NDUFB8: variants seen among roughly 807,000 people sequenced by gnomAD.
NDUFB8 encodes the protein NADH dehydrogenase [ubiquinone] 1 beta subcomplex subunit 8, mitochondrial.
NDUFB8 carries 17 observed loss-of-function variants against 26.0 expected under a neutral mutation model. That is an observed-to-expected ratio of 0.65 (90% CI 0.45 to 0.98). The LOEUF (loss-of-function observed/expected upper bound fraction) is 0.98, where lower values mean the gene tolerates loss of function less well. Among genes scored for constraint, NDUFB8 ranks in the 50% least tolerant of loss-of-function variants. The pLI is 0.00. For synonymous variants in NDUFB8, 89 were observed against 93.1 expected, an observed-to-expected ratio of 0.96 and a Z score of 0.25; for missense variants, 238 against 255.0, an observed-to-expected ratio of 0.93 and a Z score of 0.45.
chr10:100,524,119 G>C lies in NDUFB8; in HGVS notation c.469-190C>G. On this transcript the variant is annotated intron_variant, in intron 4 of 4. Coordinates refer to ENST00000299166, the MANE Select transcript of NDUFB8 (RefSeq NM_005004.4). The surrounding 1 kb of genome is among the most constrained non-coding windows in gnomAD (Gnocchi z 4.0). Reference sequence around the variant, plus strand: ...CCAAGGCAGAGAGAAAGCCTAAATTGTAAGAGAAGTGGTGCCTACACTGTG... The same window carrying C: ...CCAAGGCAGAGAGAAAGCCTAAATTCTAAGAGAAGTGGTGCCTACACTGTG... 1 of 1,573,694 alleles carries C rather than the reference G, an allele frequency of 6.4e-7. No homozygotes were observed. Among genetic ancestry groups the C allele is most frequent in the Non-Finnish European group, 8.6e-7 (1 of 1,159,386 alleles).
intron 2 of NDUFB8, among the ~76,000 whole-genome samples, chr10:100,527,705 A>G (rs951699312): frequency 6.6e-6 from 1 of 152,392 alleles, no homozygotes; most frequent in South Asian, 2.1e-4. Flanking sequence ...AAGGGAATTT[A>G]GCAATCAATT....
At chr10:100,528,995 T>G in intron 2 of NDUFB8, 1 of 161,814 alleles carries the variant, frequency 6.2e-6, no homozygotes, top group African/African-American at 2.4e-5. Context: ...ACAAATAAGA[T>G]TCTCATGACA....
intron 2 of NDUFB8, among the ~76,000 whole-genome samples, chr10:100,528,758 A>G (rs1461902025): frequency 6.6e-6 from 1 of 152,204 alleles, no homozygotes; most frequent in African/African-American, 2.4e-5. Flanking sequence ...AAAGAGTGAC[A>G]TTAGGACAGG....
Position 100,526,367 on chromosome 10 carries a change from C to T in NDUFB8, c.468+32G>A, listed in dbSNP as rs747533455. ...CCCTCAGGAAATGGGGCTAAGCAAG[C>T]GTGCCTAAGGGAGCACTTCTCGGAT... On this transcript the variant is annotated intron_variant, in intron 4 of 4. Coordinates refer to ENST00000299166, the MANE Select transcript of NDUFB8 (RefSeq NM_005004.4). 39 of 1,543,104 alleles carry T rather than the reference C, an allele frequency of 2.5e-5. 1 individual carries two copies. The highest frequency in any genetic ancestry group is 3.3e-5 in the Non-Finnish European group (38 of 1,153,346).
rs371213071 is a variant in NDUFB8 at position 100,526,389 on chromosome 10, G to C, written c.468+10C>G. The C allele has an allele frequency of 6.3e-7, 1 of 1,581,568 alleles. No individual in the cohort carries two copies. On this transcript the variant is annotated intron_variant, in intron 4 of 4. Transcript: ENST00000299166. The stretch of plus-strand genomic sequence containing the variant: ...AAGCGTGCCTAAGGGAGCACTTCTC[G>C]GATACTCACCACAGGCTGGTAGACA...
chr10:100,523,897 G>A lies in NDUFB8; in HGVS notation c.501C>T (p.Tyr167=), dbSNP rs2133708153. ...TGGAGGGATCACCGCCTCGTTCCAG[G>A]TACAGATTATTGTAAGGATACTGCT... is the stretch of plus-strand genomic sequence containing the variant. ...GPKQYPYNNL[Y]LERGGDPSKE... Residue 167 remains tyrosine, a synonymous_variant, in exon 5 of 5, where the codon TAC becomes TAT. Transcript: ENST00000299166. 6.2e-7 allele frequency: 1 copy of A among 1,614,118 alleles called. No homozygotes were observed. Among genetic ancestry groups the A allele is most frequent in the Non-Finnish European group, 8.5e-7 (1 of 1,180,022 alleles).
At chr10:100,529,921 C>T (rs1010653040), upstream of NDUFB8, 2 of 1,526,500 alleles carry the variant, frequency 1.3e-6, no homozygotes, top group East Asian at 2.4e-5. Flanking sequence ...CCGGGCCAAA[C>T]GTGACGGAGG....
At chr10:100,525,749 TG>T (rs1852037809) in intron 4 of NDUFB8, among the ~76,000 whole-genome samples, 1 of 148,620 alleles carries the variant, frequency 6.7e-6, no homozygotes, top group Non-Finnish European at 1.5e-5. Flanking sequence ...TGTGTGTGTG[TG>T]TGTGTGTGTG....
In NDUFB8 at chr10:100,524,911, C is replaced by G. The variant is rs1034468005; in HGVS notation, c.469-982G>C. 2.6e-5 allele frequency among the ~76,000 whole-genome samples: 4 copies of G among 152,226 alleles called. No homozygotes were observed. The highest frequency in any genetic ancestry group is 9.6e-5 in the African/African-American group (4 of 41,468). On this transcript the variant is annotated intron_variant, in intron 4 of 4. Transcript: ENST00000299166. This position sits in a 1 kb window ranked among gnomAD's most constrained non-coding sequence, Gnocchi z 4.0. ...CACAGTCTGCATCTGGTACATAGTA[C>G]AGGCTCCATAAATATTTGTTCAATT...
chr10:100,523,879 A>T lies in NDUFB8; in HGVS notation c.519T>A (p.Asp173Glu). The T allele has an allele frequency of 6.2e-7, 1 of 1,614,156 alleles. No individual in the cohort carries two copies. The highest frequency in any genetic ancestry group is 2.2e-5 in the East Asian group (1 of 44,886). The change falls in exon 5 of 5, where the codon GAT (aspartate) becomes GAA (glutamate). Residue 173 changes from aspartate (D) to glutamate (E), a missense_variant. Coordinates refer to ENST00000299166, the MANE Select transcript of NDUFB8 (RefSeq NM_005004.4). ...CCACCCGCTCTGGTTCTTTGGAGGG[A>T]TCACCGCCTCGTTCCAGGTACAGAT... ...YNNLYLERGG[D>E]PSKEPERVVH... is the part of the protein sequence containing the mutation.
At position 100,524,047 on chromosome 10, in the gene NDUFB8, C is replaced by A; in HGVS notation, c.469-118G>T. The stretch of plus-strand genomic sequence containing the variant: ...GTACACAGTAGCCTCTGGTCAGACC[C>A]AGCTGGGCTAGGAAGGCAGGAACAG... On this transcript the variant is annotated intron_variant, in intron 4 of 4. Coordinates refer to ENST00000299166, the MANE Select transcript of NDUFB8 (RefSeq NM_005004.4). The surrounding 1 kb of genome is among the most constrained non-coding windows in gnomAD (Gnocchi z 4.0). The A allele has an allele frequency of 6.3e-7, 1 of 1,585,206 alleles. No homozygotes were observed. The highest frequency in any genetic ancestry group is 2.3e-5 in the East Asian group (1 of 43,832).
At chr10:100,528,548 T>C (rs542974444) in intron 2 of NDUFB8, among the ~76,000 whole-genome samples, 1 of 152,364 alleles carries the variant, frequency 6.6e-6, no homozygotes, top group Non-Finnish European at 1.5e-5. Context: ...TTGGCATTCA[T>C]CTCTGCGTCT....
At chr10:100,529,729 C>T (rs779084596) in intron 1 of NDUFB8, 38 bp downstream of exon 1, 5 of 1,596,912 alleles carry the variant, frequency 3.1e-6, no homozygotes, top group Non-Finnish European at 4.3e-6. Context: ...TTTCAGGTAC[C>T]CCCTTCCCAC....
chr10:100,529,117 A>C, intron 2 of NDUFB8: 15 of 283,742 alleles, frequency 5.3e-5, no homozygotes, highest in East Asian at 3.0e-4. Flanking sequence ...GGCTCCTGCT[A>C]TTCGGGGGTC....
intron 2 of NDUFB8, 74 bp from the exon 3 acceptor site, chr10:100,527,148 A>T (rs1852066486): frequency 1.6e-6 from 2 of 1,240,848 alleles, no homozygotes; most frequent in Admixed American, 1.9e-5. Flanking sequence ...CATCTTATAG[A>T]TGAGAAACAA....
chr10:100,529,478 C>A lies in NDUFB8; in HGVS notation c.114G>T (p.Pro38=), dbSNP rs1231617595. 6.2e-7 allele frequency: 1 copy of A among 1,612,370 alleles called. No homozygotes were observed. The highest frequency in any genetic ancestry group is 1.7e-5 in the Admixed American group (1 of 59,316). The change falls in exon 2 of 5, where the codon CCG becomes CCT. Residue 38 remains proline, a synonymous_variant. Coordinates refer to ENST00000299166, the MANE Select transcript of NDUFB8 (RefSeq NM_005004.4). ...TASHMTKDMF[P]GPYPRTPEER... is the part of the protein sequence containing the mutation. Reference sequence around the variant, plus strand: ...CTTCTGGGGTCCTAGGATAGGGCCCCGGGAACATGTCCTTGGTCATGTGGG... The same window carrying A: ...CTTCTGGGGTCCTAGGATAGGGCCCAGGGAACATGTCCTTGGTCATGTGGG...
chr10:100,525,865 A>C (rs561387708), intron 4 of NDUFB8, among the ~76,000 whole-genome samples: 49 of 152,032 alleles, frequency 3.2e-4, no homozygotes, highest in Non-Finnish European at 5.9e-4. Context: ...GAATTCCCAT[A>C]TATCTGTTCA....
rs1015254334 is a variant in NDUFB8, at chr10:100,526,322, C to T, written c.468+77G>A. On this transcript the variant is annotated intron_variant, in intron 4 of 4. Transcript: ENST00000299166. ...AGCCAAGCTTGGTATTGACTGGATT[C>T]CTACCCCAGAGACTTCACTCCCTCA... 3 of 1,483,092 alleles carry T rather than the reference C, an allele frequency of 2.0e-6. No individual in the cohort carries two copies. The South Asian group carries it at 4.3e-5, about 22-fold the overall frequency. The allele number at this position is 1,483,092 out of a possible 1,614,324, so 91.9% of individuals were successfully genotyped here.
intron 2 of NDUFB8, 46 bp downstream of exon 2, chr10:100,529,334 C>T: frequency 1.3e-6 from 2 of 1,525,104 alleles, no homozygotes; most frequent in Non-Finnish European, 1.8e-6. Context: ...CCCAGCCGGC[C>T]TTCTCCCATC....
Sources: allele counts gnomAD v4.1 joint callset (sites outside exome capture counted in the v4.1 genomes callset), GRCh38; gene constraint gnomAD v4.1.1; non-coding constraint Gnocchi (gnomAD v3.1); transcripts MANE v1.5; gene names NCBI Gene and HGNC (gene_info 2026-07-23, HGNC 2026-07-21).